Variants in RANBP9 observed in about 807,000 individuals in gnomAD.
RANBP9 encodes ran-binding protein 9.
A neutral mutation model predicts 84.3 loss-of-function variants in RANBP9; 15 were observed. That is an observed-to-expected ratio of 0.18 (90% CI 0.12 to 0.27). RANBP9 has a LOEUF of 0.27. Among genes scored for constraint, RANBP9 ranks in the 10% least tolerant of loss-of-function variants. The pLI is 1.00. For missense variants in RANBP9, 809 were observed against 912.8 expected (o/e 0.89, Z 1.46); for synonymous variants, 392 against 349.6 (o/e 1.12, Z -1.35).
Position 13,706,117 on chromosome 6 carries a change from G to A in RANBP9, c.571+4818C>T, listed in dbSNP as rs1561698546. ...CCAGCACTTTGGGAGGCCGAGGCGA[G>A]TGGATCACTAGGTCAGCAGATAAGA... is the stretch of plus-strand genomic sequence containing the variant. On this transcript the variant is annotated intron_variant, in intron 1 of 13. Coordinates refer to ENST00000011619, the MANE Select transcript of RANBP9 (RefSeq NM_005493.3). Among the ~76,000 whole-genome samples the A allele has an allele frequency of 3.9e-5, 6 of 152,144 alleles. 1 individual carries two copies. The Middle Eastern group carries it at 0.01, about 259-fold the overall frequency.
rs1765139100 is a variant in RANBP9, at chr6:13,644,585, T to C, written c.1072A>G (p.Ile358Val). ...TGCCATTCTCCTTCTCGATCTCCGA[T>C]AGGAAATCGATCTATCTGTGCCTGG... Reference protein sequence around the residue: ...KIQAQIDRFPIGDREGEWQTM... With the variant: ...KIQAQIDRFPVGDREGEWQTM... The change falls in exon 6 of 14, where the codon ATC becomes GTC. Residue 358 changes from isoleucine to valine, a missense_variant. Around this residue, in one of 5 missense-constraint regions of RANBP9, gnomAD observed 216 missense variants for 329.0 expected, o/e 0.66. Transcript: ENST00000011619. The C allele has an allele frequency of 4.3e-6, 7 of 1,613,056 alleles. No individual in the cohort carries two copies. The highest frequency in any genetic ancestry group is 5.1e-6 in the Non-Finnish European group (6 of 1,179,622).
intron 2 of RANBP9, among the ~76,000 whole-genome samples, chr6:13,662,033 T>C (rs1483935674): frequency 6.6e-6 from 1 of 152,082 alleles, no homozygotes; most frequent in African/African-American, 2.4e-5. Flanking sequence ...AGCTAATGGT[T>C]TACTATACAC....
intron 13 of RANBP9, among the ~76,000 whole-genome samples, chr6:13,625,416 A>T (rs1176920152): frequency 2.0e-5 from 3 of 152,104 alleles, no homozygotes; most frequent in Non-Finnish European, 4.4e-5. Context: ...GCACACAAAA[A>T]CTTCTATTTC....
chr6:13,651,402 G>A (rs1365132900), intron 5 of RANBP9, among the ~76,000 whole-genome samples: 2 of 148,370 alleles, frequency 1.3e-5, no homozygotes, highest in East Asian at 2.0e-4. Context: ...TTGTTTTTTT[G>A]TTTTTTTTTT....
chr6:13,699,154 G>T (rs1757909783), intron 1 of RANBP9, among the ~76,000 whole-genome samples: 1 of 151,942 alleles, frequency 6.6e-6, no homozygotes. Flanking sequence ...TATATACCCA[G>T]CCCCAAATTG....
intron 9 of RANBP9, among the ~76,000 whole-genome samples, chr6:13,639,098 G>A (rs1014946082): frequency 2.0e-5 from 3 of 152,184 alleles, no homozygotes; most frequent in Admixed American, 6.5e-5. Flanking sequence ...TCCTGGTACT[G>A]AGAACATGTC....
chr6:13,640,733 G>A (rs1340292065), intron 8 of RANBP9, among the ~76,000 whole-genome samples: 1 of 152,150 alleles, frequency 6.6e-6, no homozygotes, highest in Admixed American at 6.5e-5. Context: ...GTTTCCAGGG[G>A]CTAGGGGGAT....
At position 13,657,151 on chromosome 6, in the gene RANBP9, T is replaced by C. The variant is rs1250382045; in HGVS notation, c.862A>G (p.Ile288Val). Reference protein sequence around the residue: ...GDVIGCCVNLINNTCFYTKNG... With the variant: ...GDVIGCCVNLVNNTCFYTKNG... ...TTGGTGTAAAAGCAGGTATTGTTGA[T>C]AAGATTAACACAACAGCCAATGACA... is the stretch of plus-strand genomic sequence containing the variant. The change falls in exon 4 of 14, where the codon ATC becomes GTC. Residue 288 changes from isoleucine (I) to valine (V), a missense_variant. Coordinates refer to ENST00000011619, the MANE Select transcript of RANBP9 (RefSeq NM_005493.3). 1 of 1,612,376 alleles carries C rather than the reference T, an allele frequency of 6.2e-7. No individual in the cohort carries two copies. Among genetic ancestry groups the C allele is most frequent in the Non-Finnish European group, 8.5e-7 (1 of 1,179,138 alleles).
chr6:13,655,490 CA>C (rs1451810252), intron 4 of RANBP9, among the ~76,000 whole-genome samples: 3 of 151,962 alleles, frequency 2.0e-5, no homozygotes, highest in African/African-American at 7.2e-5. Context: ...ATAAAATAAA[CA>C]AAAAATAAAA....
intron 5 of RANBP9, among the ~76,000 whole-genome samples, chr6:13,648,167 T>TTTTTTTTTTG (rs1765216953): frequency 8.0e-6 from 1 of 124,638 alleles, no homozygotes; most frequent in Admixed American, 8.4e-5. Flanking sequence ...TTTTTTTTTT[T>TTTTTTTTTTG]GAGACGGAGT....
At chr6:13,710,662 C>T (rs1487414387) in intron 1 of RANBP9, among the ~76,000 whole-genome samples, 1 of 152,218 alleles carries the variant, frequency 6.6e-6, no homozygotes, top group African/African-American at 2.4e-5. Context: ...ATCCCGGATT[C>T]CCTCAAGGTG....
chr6:13,635,050 A>T (rs1764901754), intron 10 of RANBP9, among the ~76,000 whole-genome samples: 2 of 152,188 alleles, frequency 1.3e-5, no homozygotes, highest in South Asian at 2.1e-4. Flanking sequence ...GCTGTTTTTA[A>T]ATAGCATTCT....
At chr6:13,646,624 AAAT>A (rs1339110248) in intron 5 of RANBP9, among the ~76,000 whole-genome samples, 1 of 152,190 alleles carries the variant, frequency 6.6e-6, no homozygotes, top group Non-Finnish European at 1.5e-5. Context: ...AATTCAGAAA[AAAT>A]AATTCTATCA....
At chr6:13,643,143 G>A (rs1263057788) in intron 6 of RANBP9, among the ~76,000 whole-genome samples, 5 of 152,138 alleles carry the variant, frequency 3.3e-5, no homozygotes, top group Non-Finnish European at 5.9e-5. Flanking sequence ...GTCTATAAGT[G>A]TACTACTAAT....
In RANBP9 at chr6:13,711,771, ACGCGGGAG is replaced by A; in HGVS notation, c.-274_-267del. Among the ~76,000 whole-genome samples, 1 of 145,688 alleles carries A rather than the reference ACGCGGGAG, an allele frequency of 6.9e-6. No individual in the cohort carries two copies. The highest frequency in any genetic ancestry group is 2.1e-4 in the South Asian group (1 of 4,732). ...GGACGAGGCGCCGAGGGCGGGGGCG[ACGCGGGAG>A]CGCGGGAGGGGAAGGCGCGCTGGCG... is the stretch of plus-strand genomic sequence containing the variant. On this transcript the variant is annotated 5_prime_UTR_variant, in exon 1 of 14. Coordinates refer to ENST00000011619, the MANE Select transcript of RANBP9 (RefSeq NM_005493.3).
Position 13,622,228 on chromosome 6 carries a change from G to C in RANBP9, c.*134C>G. ...ATCATTTGCATCATGCTGTAAACTAGGAAGCAATGTAAAGCGACAAAAACC... is the reference window on the plus strand; with the variant it reads ...ATCATTTGCATCATGCTGTAAACTACGAAGCAATGTAAAGCGACAAAAACC... On this transcript the variant is annotated 3_prime_UTR_variant, in exon 14 of 14. Coordinates refer to ENST00000011619, the MANE Select transcript of RANBP9 (RefSeq NM_005493.3). 1 of 872,498 alleles carries C rather than the reference G, an allele frequency of 1.1e-6. No homozygotes were observed. The highest frequency in any genetic ancestry group is 1.6e-6 in the Non-Finnish European group (1 of 640,002). The allele number at this position is 872,498 out of a possible 1,614,324, so 54.0% of individuals were successfully genotyped here. A position where few individuals can be genotyped will look rare whatever the true frequency, so the allele number is the denominator to read the frequency against.
At chr6:13,696,926 T>C in intron 1 of RANBP9, 30 bp from the exon 2 acceptor site, 1 of 1,524,894 alleles carries the variant, frequency 6.6e-7, no homozygotes, top group Non-Finnish European at 9.0e-7. Flanking sequence ...AAAAAAGAAG[T>C]CACATGAGAT....
intron 2 of RANBP9, among the ~76,000 whole-genome samples, chr6:13,674,866 T>C (rs971378948): frequency 6.6e-6 from 1 of 152,226 alleles, no homozygotes; most frequent in African/African-American, 2.4e-5. Context: ...AAGTTTTCAT[T>C]TCTATGTCTG....
chr6:13,695,331 A>G (rs1696894494), intron 2 of RANBP9, among the ~76,000 whole-genome samples: 1 of 151,546 alleles, frequency 6.6e-6, no homozygotes, highest in South Asian at 2.1e-4. Flanking sequence ...GAGAGGCAGT[A>G]GAGATGAACA....
Sources: gnomAD v4.1 joint callset for allele counts (sites outside exome capture counted in the v4.1 genomes callset) on GRCh38, gnomAD v4.1.1 for gene constraint, gnomAD v4.1.1 regional missense constraint, MANE v1.5 for transcripts, NCBI Gene and HGNC (gene_info 2026-07-23, HGNC 2026-07-21) for gene names.